CNBD1: variants seen among roughly 807,000 people sequenced by gnomAD.
The protein encoded by CNBD1 is cyclic nucleotide binding domain containing 1, also known as cyclic nucleotide-binding domain-containing protein 1.
A neutral mutation model predicts 54.4 loss-of-function variants in CNBD1; 71 were observed. The ratio of observed to expected loss-of-function variants is 1.30; its 90% CI spans 1.08 to 1.59. The LOEUF (loss-of-function observed/expected upper bound fraction) is 1.59. Among genes scored for constraint, CNBD1 ranks in the 40% most tolerant of loss-of-function variants. The pLI, the probability that CNBD1 is intolerant of heterozygous loss-of-function variation, is 0.00. For synonymous variants in CNBD1, 182 were observed against 170.7 expected, an observed-to-expected ratio of 1.07 and a Z score of -0.51; for missense variants, 659 against 518.0, an observed-to-expected ratio of 1.27 and a Z score of -2.64.
chr8:87,224,603 T>A (rs560713037), intron 5 of CNBD1, among the ~76,000 whole-genome samples: 1 of 151,792 alleles, frequency 6.6e-6, no homozygotes, highest in East Asian at 1.9e-4. Flanking sequence ...TTGATCTATA[T>A]CTCTGTTTAG....
In CNBD1 at chr8:86,873,280, T is replaced by C. The variant is rs1387632588; in HGVS notation, c.88+6697T>C. 1.3e-5 allele frequency among the ~76,000 whole-genome samples: 2 copies of C among 151,800 alleles called. 1 individual carries two copies. Among genetic ancestry groups the C allele is most frequent in the Non-Finnish European group, 2.9e-5 (2 of 67,920 alleles). ...CCACACCCGGCTAATTTTGTATTTT[T>C]AGTAGAGACGGGGTTTCTCCCTGTT... On this transcript the variant is annotated intron_variant, in intron 1 of 10. Transcript: ENST00000518476.
intron 4 of CNBD1, among the ~76,000 whole-genome samples, chr8:87,076,839 G>C (rs960568713): frequency 1.3e-5 from 2 of 152,094 alleles, no homozygotes; most frequent in Admixed American, 1.3e-4. Flanking sequence ...ATTTATTTGA[G>C]AAATTCAAAG....
intron 4 of CNBD1, among the ~76,000 whole-genome samples, chr8:87,007,529 T>C (rs1809128092): frequency 6.6e-6 from 1 of 152,192 alleles, no homozygotes; most frequent in Non-Finnish European, 1.5e-5. Flanking sequence ...CTGGTAATTC[T>C]ATTTTTTTTC....
chr8:87,315,129 G>GA (rs1311425017), intron 8 of CNBD1, among the ~76,000 whole-genome samples: 3 of 151,684 alleles, frequency 2.0e-5, no homozygotes, highest in Non-Finnish European at 2.9e-5. Flanking sequence ...AAGTCAGAAA[G>GA]AAAAAAATGA....
At chr8:87,422,006 T>G (rs1807948295) in intron 2 of CNBD1, among the ~76,000 whole-genome samples, 1 of 149,722 alleles carries the variant, frequency 6.7e-6, no homozygotes, top group Admixed American at 6.6e-5. Flanking sequence ...GGTTTTGATT[T>G]GCATTTCTCT....
At chr8:87,239,170 T>A (rs1371636269) in intron 6 of CNBD1, among the ~76,000 whole-genome samples, 1 of 152,112 alleles carries the variant, frequency 6.6e-6, no homozygotes, top group African/African-American at 2.4e-5. Context: ...AAGATAGAAA[T>A]CAAGGCAGAC....
chr8:87,305,340 A>G (rs1192899668), intron 8 of CNBD1, among the ~76,000 whole-genome samples: 3 of 152,062 alleles, frequency 2.0e-5, no homozygotes, highest in Non-Finnish European at 1.5e-5. Flanking sequence ...GCCAAAAACA[A>G]TCTACAAATC....
intron 4 of CNBD1, among the ~76,000 whole-genome samples, chr8:87,067,445 G>A (rs1810677098): frequency 6.6e-6 from 1 of 151,774 alleles, no homozygotes; most frequent in Admixed American, 6.6e-5. Context: ...TTTATTATAC[G>A]CAAGTATAAC....
intron 3 of CNBD1, among the ~76,000 whole-genome samples, chr8:86,933,201 G>A (rs553539837): frequency 3.9e-5 from 6 of 152,118 alleles, no homozygotes; most frequent in South Asian, 4.2e-4. Context: ...TCCTAGCTTC[G>A]GGAATAACCT....
At chr8:87,091,624 T>A (rs1811204642) in intron 4 of CNBD1, among the ~76,000 whole-genome samples, 1 of 152,148 alleles carries the variant, frequency 6.6e-6, no homozygotes. Context: ...ATCTTAAATG[T>A]CAACCAAGAT....
intron 8 of CNBD1, among the ~76,000 whole-genome samples, chr8:87,289,519 T>A (rs1808750533): frequency 6.6e-6 from 1 of 152,152 alleles, no homozygotes; most frequent in African/African-American, 2.4e-5. Context: ...AATGGTAAAC[T>A]GACTTGGCAA....
At chr8:87,246,973 C>T (rs553686351) in intron 6 of CNBD1, among the ~76,000 whole-genome samples, 14 of 152,028 alleles carry the variant, frequency 9.2e-5, no homozygotes, top group Non-Finnish European at 1.6e-4. Flanking sequence ...CAACTGGAGA[C>T]AGTGACACCC....
chr8:87,010,498 C>T (rs759910970), intron 4 of CNBD1, among the ~76,000 whole-genome samples: 10 of 152,048 alleles, frequency 6.6e-5, no homozygotes, highest in Admixed American at 1.3e-4. Flanking sequence ...CCTGTAATGC[C>T]AGCACTTTGG....
At chr8:87,379,325 G>C (rs1027256941) in intron 10 of CNBD1, among the ~76,000 whole-genome samples, 1 of 151,814 alleles carries the variant, frequency 6.6e-6, no homozygotes, top group Non-Finnish European at 1.5e-5. Context: ...AGATCAACGA[G>C]ACAGAAAGTC....
intron 10 of CNBD1, 185 bp downstream of exon 10, chr8:87,353,971 T>C: frequency 2.2e-6 from 1 of 450,804 alleles, no homozygotes; most frequent in Non-Finnish European, 4.0e-6. Context: ...AAAGGGCACA[T>C]GTTTGTAGAG....
chr8:86,895,977 A>G (rs1808842106), intron 2 of CNBD1, among the ~76,000 whole-genome samples: 1 of 151,954 alleles, frequency 6.6e-6, no homozygotes, highest in South Asian at 2.1e-4. Context: ...ATTGAGTTGT[A>G]TGAGTTCTTT....
intron 4 of CNBD1, among the ~76,000 whole-genome samples, chr8:87,155,825 T>C (rs1812722896): frequency 6.6e-6 from 1 of 152,152 alleles, no homozygotes. Context: ...GGAGGGTGTG[T>C]GGAACAAGAA....
intron 10 of CNBD1, among the ~76,000 whole-genome samples, chr8:87,374,965 G>A (rs1331831760): frequency 6.7e-6 from 1 of 150,030 alleles, no homozygotes; most frequent in Non-Finnish European, 1.5e-5. Flanking sequence ...GGTTTTCTGA[G>A]GAGTTCTCAA....
At chr8:87,173,803 C>A (rs1470994154) in intron 4 of CNBD1, among the ~76,000 whole-genome samples, 1 of 151,594 alleles carries the variant, frequency 6.6e-6, no homozygotes, top group Non-Finnish European at 1.5e-5. Flanking sequence ...ATAACTTTCT[C>A]TAGGTTTGGA....
Sources: gnomAD v4.1 joint callset for allele counts (sites outside exome capture counted in the v4.1 genomes callset) on GRCh38, gnomAD v4.1.1 for gene constraint, MANE v1.5 for transcripts, NCBI Gene and HGNC (gene_info 2026-07-23, HGNC 2026-07-21) for gene names.